SFPQ: variants seen among roughly 807,000 people sequenced by gnomAD.
The protein encoded by SFPQ is splicing factor, proline- and glutamine-rich.
Under a neutral mutation model 72.9 loss-of-function variants are expected in SFPQ, and 11 were observed. The ratio of observed to expected loss-of-function variants is 0.15; its 90% CI spans 0.09 to 0.25. The LOEUF (loss-of-function observed/expected upper bound fraction) is 0.25, where lower values mean the gene tolerates loss of function less well. Among genes scored for constraint, SFPQ ranks in the 10% least tolerant of loss-of-function variants. SFPQ has a pLI of 1.00. For synonymous variants in SFPQ, 506 were observed against 367.3 expected (o/e 1.38, Z -4.32); for missense variants, 847 against 993.3 (o/e 0.85, Z 1.98).
downstream of SFPQ, chr1:35,179,212 C>T (rs1273481079): frequency 9.4e-7 from 1 of 1,061,290 alleles, no homozygotes; most frequent in Non-Finnish European, 1.1e-6. Context: ...GACTGTGGAT[C>T]ATGTCACTGC....
At chr1:35,185,876 C>A (rs1362543982) in intron 9 of SFPQ, among the ~76,000 whole-genome samples, 1 of 152,140 alleles carries the variant, frequency 6.6e-6, no homozygotes, top group African/African-American at 2.4e-5. Context: ...CAGGAGCTAT[C>A]AGCTACCTGT....
intron 8 of SFPQ, 35 bp downstream of exon 8, chr1:35,187,168 T>C (rs1333693498): frequency 3.1e-6 from 5 of 1,613,936 alleles, no homozygotes; most frequent in African/African-American, 2.7e-5. Context: ...GATACTACTC[T>C]CTACTTATAT....
chr1:35,191,065 C>A, intron 2 of SFPQ, 70 bp from the exon 3 acceptor site: 1 of 1,291,844 alleles, frequency 7.7e-7, no homozygotes. Flanking sequence ...TTGTCATAGG[C>A]CTACTTCCTA....
chr1:35,191,001 T>A lies in SFPQ; in HGVS notation c.1018-6A>T. On this transcript the variant is annotated splice_region_variant and splice_polypyrimidine_tract_variant and intron_variant, in intron 2 of 9. Transcript: ENST00000357214. ...TCAGCCAAAGCTCTAGATTCCTGTG[T>A]ATCAGAGACACTCATGTTAATGACC... The A allele has an allele frequency of 1.2e-6, 2 of 1,609,550 alleles. No homozygotes were observed. The highest frequency in any genetic ancestry group is 1.7e-6 in the Non-Finnish European group (2 of 1,177,622).
In SFPQ at chr1:35,190,612, C is replaced by A; in HGVS notation, c.1320-19G>T. The A allele has an allele frequency of 1.9e-6, 3 of 1,609,158 alleles. No individual in the cohort carries two copies. Among genetic ancestry groups the A allele is most frequent in the South Asian group, 1.1e-5 (1 of 90,270 alleles). On this transcript the variant is annotated intron_variant, in intron 3 of 9. Coordinates refer to ENST00000357214, the MANE Select transcript of SFPQ (RefSeq NM_005066.3). ...AGGAGTTCTAATAACAAAAATGGTT[C>A]CATCTTAGCTTTGTTCCAGTTTTAT...
chr1:35,183,561 C>CA lies in SFPQ; in HGVS notation c.*894dup, dbSNP rs1639571734. Reference sequence around the variant, plus strand: ...CTTTCAAGTTTTGTTTTTTAGACTACACCCCATCTTTATAAATCACTTGAA... The same window carrying CA: ...CTTTCAAGTTTTGTTTTTTAGACTACAACCCCATCTTTATAAATCACTTGAA... On this transcript the variant is annotated 3_prime_UTR_variant, in exon 10 of 10. Transcript: ENST00000357214. 1 of 1,018,608 alleles carries CA rather than the reference C, an allele frequency of 9.8e-7. No homozygotes were observed. The highest frequency in any genetic ancestry group is 5.9e-5 in the Admixed American group (1 of 17,040). 63.1% of individuals were successfully genotyped at this position (1,018,608 alleles called of 1,614,324 possible).
rs1269170137 is a variant in SFPQ at position 35,192,561 on chromosome 1, C to T, written c.489G>A (p.Gly163=). The change falls in exon 1 of 10, where the codon GGG becomes GGA. Residue 163 remains glycine (G), a synonymous_variant. Transcript: ENST00000357214. ...PPPAVTSAPP[G]APPPTPPSSG... ...TGCTTGGCGGGGTGGGTGGCGGCGC[C>T]CCGGGAGGGGCCGAGGTGACTGCAG... The T allele has an allele frequency of 8.3e-6, 11 of 1,328,122 alleles. No individual in the cohort carries two copies. The highest frequency in any genetic ancestry group is 8.6e-6 in the Non-Finnish European group (9 of 1,045,350). 82.3% of individuals were successfully genotyped at this position (1,328,122 alleles called of 1,614,324 possible).
chr1:35,191,881 G>T (rs1640017962), intron 1 of SFPQ, among the ~76,000 whole-genome samples: 1 of 152,212 alleles, frequency 6.6e-6, no homozygotes, highest in Non-Finnish European at 1.5e-5. Context: ...CTGCGCCTGC[G>T]CTTTTATGGA....
In SFPQ at chr1:35,184,139, T is replaced by A; in HGVS notation, c.*317A>T. The A allele has an allele frequency of 8.7e-7, 1 of 1,144,226 alleles. No individual in the cohort carries two copies. The highest frequency in any genetic ancestry group is 1.1e-6 in the Non-Finnish European group (1 of 931,804). 70.9% of individuals were successfully genotyped at this position (1,144,226 alleles called of 1,614,324 possible). A position where few individuals can be genotyped will look rare whatever the true frequency, so the allele number is the denominator to read the frequency against. On this transcript the variant is annotated 3_prime_UTR_variant, in exon 10 of 10. Coordinates refer to ENST00000357214, the MANE Select transcript of SFPQ (RefSeq NM_005066.3). ...TCAATATTATAACTATTTTTCTATT[T>A]ATTTGAAGCACAGTAAAAAAAAAAA...
rs1557821339 is a variant in SFPQ, at chr1:35,193,008, A to G, written c.42T>C (p.Gly14=). ...DRFRSRGGGG[G]GFHRRGGGGG... ...CGCCTCCTCCACGCCTGTGGAAGCC[A>G]CCACCGCCACCGCCACGACTCCGGA... The change falls in exon 1 of 10, where the codon GGT becomes GGC. Residue 14 remains glycine (G), a synonymous_variant. Transcript: ENST00000357214. The G allele has an allele frequency of 2.6e-6, 4 of 1,556,376 alleles. No homozygotes were observed. The highest frequency in any genetic ancestry group is 2.3e-5 in the South Asian group (2 of 88,594).
Position 35,193,118 on chromosome 1 carries a change from T to G in SFPQ, c.-69A>C. On this transcript the variant is annotated 5_prime_UTR_variant, in exon 1 of 10. Coordinates refer to ENST00000357214, the MANE Select transcript of SFPQ (RefSeq NM_005066.3). ...TCAGGAAACGTGGAGGCCACCTTGC[T>G]TCTCACAAAATGGCGGATGACACAG... The G allele has an allele frequency of 1.3e-6, 2 of 1,487,660 alleles. No homozygotes were observed. The highest frequency in any genetic ancestry group is 1.8e-6 in the Non-Finnish European group (2 of 1,126,808). 92.2% of individuals were successfully genotyped at this position (1,487,660 alleles called of 1,614,324 possible). A position where few individuals can be genotyped will look rare whatever the true frequency, so the allele number is the denominator to read the frequency against.
chr1:35,179,729 A>G, downstream of SFPQ: 1 of 1,056,662 alleles, frequency 9.5e-7, no homozygotes, highest in African/African-American at 1.6e-5. Flanking sequence ...CCCCACCCCA[A>G]TAAAGTTCCT....
downstream of SFPQ, chr1:35,180,479 A>AGTCAAT: frequency 9.5e-7 from 1 of 1,050,790 alleles, no homozygotes; most frequent in Non-Finnish European, 1.1e-6. Context: ...ACTGTAGTCA[A>AGTCAAT]GTCAATGTTC....
downstream of SFPQ, chr1:35,180,981 C>T (rs971754623): frequency 4.3e-5 from 42 of 985,420 alleles, no homozygotes; most frequent in Admixed American, 2.5e-4. Flanking sequence ...ACAGCTCTAA[C>T]CCCACACCCA....
chr1:35,182,165 G>T (rs1284832934), downstream of SFPQ: 1 of 985,090 alleles, frequency 1.0e-6, no homozygotes, highest in East Asian at 1.1e-4. Flanking sequence ...TTCCCGACCA[G>T]CCCCCACCCA....
downstream of SFPQ, chr1:35,180,773 C>T (rs1298052338): frequency 1.9e-6 from 2 of 1,061,868 alleles, no homozygotes; most frequent in African/African-American, 3.3e-5. Context: ...CTATACGGTC[C>T]ATGTCAAGGT....
At chr1:35,177,074 G>A (rs1639275816) in intron 5 of SFPQ, 1 of 151,984 alleles carries the variant, frequency 6.6e-6, no homozygotes, top group Admixed American at 6.6e-5. Flanking sequence ...AATGAGCCGG[G>A]CGTGGCAGAA....
downstream of SFPQ, chr1:35,178,276 G>C: frequency 2.8e-5 from 31 of 1,098,506 alleles, no homozygotes; most frequent in Non-Finnish European, 3.2e-5. Context: ...AAATGTAAAA[G>C]CCTGACTCTC....
downstream of SFPQ, chr1:35,178,967 G>T (rs181709286): frequency 3.8e-6 from 4 of 1,054,332 alleles, no homozygotes; most frequent in African/African-American, 1.7e-5. Context: ...AGCAACTGTT[G>T]AGATTTCCAG....
Sources: allele counts gnomAD v4.1 joint callset (sites outside exome capture counted in the v4.1 genomes callset), GRCh38; gene constraint gnomAD v4.1.1; transcripts MANE v1.5; gene names NCBI Gene and HGNC (gene_info 2026-07-23, HGNC 2026-07-21).